Variants in SPMAP2L observed in about 807,000 individuals in gnomAD.
The protein encoded by SPMAP2L is sperm microtubule associated protein 2-like.
At chr4:56,534,701 T>C in the SPMAP2L span, among the ~76,000 whole-genome samples, 1 of 151,946 alleles carries the variant, frequency 6.6e-6, no homozygotes, top group Non-Finnish European at 1.5e-5. Flanking sequence ...CTCAGGTGGG[T>C]GAATTACCTG....
chr4:56,580,983 C>G, the SPMAP2L span, among the ~76,000 whole-genome samples: 1 of 152,038 alleles, frequency 6.6e-6, no homozygotes, highest in South Asian at 2.1e-4. Flanking sequence ...TTTGAGGACA[C>G]TATGCTGAGT....
chr4:56,558,200 G>A, the SPMAP2L span, among the ~76,000 whole-genome samples: 4 of 151,962 alleles, frequency 2.6e-5, no homozygotes, highest in Non-Finnish European at 5.9e-5. Context: ...ACTCCTGATC[G>A]CAGGTGATCC....
At chr4:56,573,510 T>C in the SPMAP2L span, among the ~76,000 whole-genome samples, 1 of 152,206 alleles carries the variant, frequency 6.6e-6, no homozygotes, top group South Asian at 2.1e-4. Context: ...CTTGCCTTTG[T>C]GCCGCTCATT....
the SPMAP2L span, among the ~76,000 whole-genome samples, chr4:56,588,127 T>C: frequency 2.0e-5 from 3 of 152,236 alleles, no homozygotes; most frequent in South Asian, 2.1e-4. Context: ...CTTTTGAGAA[T>C]TGTCTGTTCA....
chr4:56,572,803 G>A, the SPMAP2L span, among the ~76,000 whole-genome samples: 1 of 152,102 alleles, frequency 6.6e-6, no homozygotes, highest in Non-Finnish European at 1.5e-5. Context: ...ATCACCTGAG[G>A]TCAGGAGTTC....
At chr4:56,558,276 A>T in the SPMAP2L span, among the ~76,000 whole-genome samples, 10 of 151,746 alleles carry the variant, frequency 6.6e-5, no homozygotes, top group Admixed American at 5.9e-4. Context: ...CAGCCACCAA[A>T]TTTTTCTTGA....
At chr4:56,550,434 A>G in the SPMAP2L span, among the ~76,000 whole-genome samples, 4 of 152,238 alleles carry the variant, frequency 2.6e-5, no homozygotes, top group Non-Finnish European at 5.9e-5. Context: ...TATATCAACT[A>G]GATTTTACCG....
chr4:56,600,789 A>G, the SPMAP2L span: 1 of 774,990 alleles, frequency 1.3e-6, no homozygotes, highest in Non-Finnish European at 2.0e-6. Context: ...GTACAGGAGC[A>G]AGGATGGAAG....
chr4:56,598,283 C>T, the SPMAP2L span, among the ~76,000 whole-genome samples: 1 of 152,092 alleles, frequency 6.6e-6, no homozygotes, highest in South Asian at 2.1e-4. Context: ...AAAGTAAGAC[C>T]AAAAGGAGTC....
chr4:56,621,879 G>A, the SPMAP2L span, among the ~76,000 whole-genome samples: 11 of 152,184 alleles, frequency 7.2e-5, no homozygotes, highest in East Asian at 1.2e-3. Flanking sequence ...TTTTTAGGGC[G>A]GTGAAATTAC....
chr4:56,560,246 G>A, the SPMAP2L span, among the ~76,000 whole-genome samples: 7 of 152,056 alleles, frequency 4.6e-5, no homozygotes, highest in Non-Finnish European at 1.0e-4. Context: ...CACCTGTTGC[G>A]ACTCCTGCCG....
chr4:56,619,785 C>T, the SPMAP2L span, among the ~76,000 whole-genome samples: 121 of 152,154 alleles, frequency 8.0e-4, no homozygotes, highest in African/African-American at 2.2e-3. Flanking sequence ...AAAGGCAATC[C>T]GTGAAGTGGG....
At chr4:56,531,773 G>T in the SPMAP2L span, among the ~76,000 whole-genome samples, 38 of 152,104 alleles carry the variant, frequency 2.5e-4, 1 homozygote, top group Admixed American at 2.5e-3. Context: ...GACCCCACTC[G>T]CTCATTTATG....
chr4:56,592,042 A>T, the SPMAP2L span, among the ~76,000 whole-genome samples: 1 of 152,232 alleles, frequency 6.6e-6, no homozygotes, highest in African/African-American at 2.4e-5. Context: ...CAGGCAGCAC[A>T]GCAGGAGGTG....
chr4:56,574,101 A>G, the SPMAP2L span, among the ~76,000 whole-genome samples: 1 of 152,312 alleles, frequency 6.6e-6, no homozygotes, highest in Admixed American at 6.5e-5. Context: ...TTGATAAGGA[A>G]AGATTGAAGG....
chr4:56,570,529 T>C, the SPMAP2L span, among the ~76,000 whole-genome samples: 2 of 152,004 alleles, frequency 1.3e-5, no homozygotes, highest in African/African-American at 4.8e-5. Context: ...TATCTAAACA[T>C]AGAAAAGGCA....
At chr4:56,591,932 A>G in the SPMAP2L span, among the ~76,000 whole-genome samples, 1 of 152,204 alleles carries the variant, frequency 6.6e-6, no homozygotes, top group Non-Finnish European at 1.5e-5. Context: ...CAATTCCCAA[A>G]GGGCAAAAAT....
the SPMAP2L span, among the ~76,000 whole-genome samples, chr4:56,542,392 C>T: frequency 6.6e-6 from 1 of 151,774 alleles, no homozygotes; most frequent in Non-Finnish European, 1.5e-5. Flanking sequence ...TGAGACCTCT[C>T]CTGCATGATG....
the SPMAP2L span, chr4:56,530,821 TC>T: frequency 6.5e-7 from 1 of 1,534,296 alleles, no homozygotes; most frequent in Non-Finnish European, 8.7e-7. Context: ...GCTTGAGGAG[TC>T]CGAGGATCCC....
Sources: gnomAD v4.1 joint callset for allele counts (sites outside exome capture counted in the v4.1 genomes callset) on GRCh38, gnomAD v4.1.1 for gene constraint, MANE v1.5 for transcripts, NCBI Gene and HGNC (gene_info 2026-07-23, HGNC 2026-07-21) for gene names.